Variants in PRORP observed in about 807,000 individuals in gnomAD.
PRORP encodes protein only RNase P catalytic subunit, also known as mitochondrial ribonuclease P catalytic subunit.
A neutral mutation model predicts 59.4 loss-of-function variants in PRORP; 51 were observed. The observed-to-expected ratio is 0.86, with a 90% CI of 0.69 to 1.08. The LOEUF (loss-of-function observed/expected upper bound fraction) is 1.08, where lower values mean the gene tolerates loss of function less well. Ranked by LOEUF, PRORP falls within the 50% of genes least tolerant of loss-of-function variation. The pLI is 0.00. For missense variants in PRORP, 646 were observed against 690.3 expected, an observed-to-expected ratio of 0.94 and a Z score of 0.72; for synonymous variants, 231 against 245.6, an observed-to-expected ratio of 0.94 and a Z score of 0.55.
intron 7 of PRORP, 30 bp from the exon 8 acceptor site, chr14:35,273,405 C>A: frequency 6.3e-7 from 1 of 1,587,788 alleles, no homozygotes; most frequent in South Asian, 1.2e-5. Flanking sequence ...GTGTTGTTCT[C>A]AATGTTTTGT....
chr14:35,244,655 CAT>C (rs1407188923), intron 5 of PRORP, among the ~76,000 whole-genome samples: 1 of 152,078 alleles, frequency 6.6e-6, no homozygotes, highest in Admixed American at 6.6e-5. Context: ...TAAAATATAT[CAT>C]GTGTAAAGAC....
rs377738287 is a variant in PRORP at position 35,123,214 on chromosome 14, C to G, written c.-32C>G. 6.5e-5 allele frequency: 102 copies of G among 1,571,538 alleles called. No individual in the cohort carries two copies. In the Middle Eastern group the frequency reaches 1.4e-3, roughly 21 times the overall value. On this transcript the variant is annotated 5_prime_UTR_variant, in exon 2 of 8. Transcript: ENST00000534898. ...TAGAAGAGGGGTTTTTTCAACATCTCTCTCACTATCTGGTGCTGATCTCAC... is the reference window on the plus strand; with the variant it reads ...TAGAAGAGGGGTTTTTTCAACATCTGTCTCACTATCTGGTGCTGATCTCAC...
intron 5 of PRORP, among the ~76,000 whole-genome samples, chr14:35,208,754 C>T (rs1212279829): frequency 6.6e-6 from 1 of 152,122 alleles, no homozygotes; most frequent in Non-Finnish European, 1.5e-5. Context: ...ACCTGTAATC[C>T]CAGTACTTTG....
chr14:35,124,985 C>T (rs2415262), intron 2 of PRORP, among the ~76,000 whole-genome samples: 32,418 of 150,606 alleles, frequency 0.22, 3,744 homozygotes, highest in East Asian at 0.37. Context: ...CTCACACTCC[C>T]GAGTAGCTGG....
intron 5 of PRORP, among the ~76,000 whole-genome samples, chr14:35,256,318 G>A (rs1319740836): frequency 7.6e-6 from 1 of 131,152 alleles, no homozygotes; most frequent in Non-Finnish European, 1.6e-5. Flanking sequence ...AAAAGAAATT[G>A]TGCGTATCTT....
intron 5 of PRORP, among the ~76,000 whole-genome samples, chr14:35,218,618 C>G (rs1408814046): frequency 6.8e-6 from 1 of 146,980 alleles, no homozygotes; most frequent in Non-Finnish European, 1.5e-5. Flanking sequence ...CTTCCGCCTC[C>G]TGAGTTTAAG....
At chr14:35,258,655 T>C (rs1366694078) in intron 5 of PRORP, among the ~76,000 whole-genome samples, 2 of 149,796 alleles carry the variant, frequency 1.3e-5, no homozygotes. Context: ...GCAGGCAGGG[T>C]GTGGGGGCGG....
At chr14:35,166,010 G>T (rs1364559100) in intron 4 of PRORP, among the ~76,000 whole-genome samples, 1 of 151,928 alleles carries the variant, frequency 6.6e-6, no homozygotes, top group Non-Finnish European at 1.5e-5. Context: ...TCTCGGGGAA[G>T]TTATATTTTT....
At chr14:35,216,880 G>T in intron 5 of PRORP, among the ~76,000 whole-genome samples, 1 of 152,194 alleles carries the variant, frequency 6.6e-6, no homozygotes, top group East Asian at 1.9e-4. Context: ...TTTTTGACTC[G>T]TGTTTCTCTG....
At position 35,143,044 on chromosome 14, in the gene PRORP, A is replaced by G. The variant is rs972022423; in HGVS notation, c.1167+15433A>G. The stretch of plus-strand genomic sequence containing the variant: ...GTAAAAAGTACTTCTTTGTAAAGCT[A>G]TATTTTTCGTGTACTTTAAGAAATA... On this transcript the variant is annotated intron_variant, in intron 4 of 7. Coordinates refer to ENST00000534898, the MANE Select transcript of PRORP (RefSeq NM_014672.4). Among the ~76,000 whole-genome samples, 9 of 145,514 alleles carry G rather than the reference A, an allele frequency of 6.2e-5. 4 individuals are homozygous for G. The highest frequency in any genetic ancestry group is 5.0e-4 in the Admixed American group (7 of 14,030).
intron 5 of PRORP, among the ~76,000 whole-genome samples, chr14:35,226,109 A>C (rs1410422877): frequency 1.3e-5 from 2 of 152,162 alleles, no homozygotes; most frequent in Non-Finnish European, 2.9e-5. Context: ...TATTTAACAA[A>C]GACCCTCTGT....
At position 35,176,897 on chromosome 14, in the gene PRORP, T is replaced by A. The variant is rs923604551; in HGVS notation, c.1168-3773T>A. ...GTGGGTTTGTCATAAATAGCTCTTA[T>A]TATTTTGAGATACGTCCCATCAATA... is the stretch of plus-strand genomic sequence containing the variant. On this transcript the variant is annotated intron_variant, in intron 4 of 7. Transcript: ENST00000534898. 6.6e-4 allele frequency among the ~76,000 whole-genome samples: 101 copies of A among 152,172 alleles called. 1 individual carries two copies. Among genetic ancestry groups the A allele is most frequent in the Non-Finnish European group, 2.1e-4 (14 of 68,038 alleles).
chr14:35,183,882 A>C (rs2048679791), intron 5 of PRORP, among the ~76,000 whole-genome samples: 1 of 152,194 alleles, frequency 6.6e-6, no homozygotes, highest in African/African-American at 2.4e-5. Flanking sequence ...ATAGTTCCAG[A>C]AAGGGAATAT....
At chr14:35,182,263 C>A (rs1283148971) in intron 5 of PRORP, among the ~76,000 whole-genome samples, 1 of 151,872 alleles carries the variant, frequency 6.6e-6, no homozygotes, top group African/African-American at 2.4e-5. Flanking sequence ...AAGACTACAT[C>A]TCAAAAAATA....
intron 3 of PRORP, 25 bp downstream of exon 3, chr14:35,126,807 CT>C (rs1566441536): frequency 6.3e-7 from 1 of 1,584,736 alleles, no homozygotes; most frequent in Admixed American, 1.7e-5. Flanking sequence ...TTATTTTTAA[CT>C]TGTTTGATTT....
At chr14:35,216,115 T>TTTATATATAATATATAATATATTTATAC (rs2049583500) in intron 5 of PRORP, among the ~76,000 whole-genome samples, 1 of 147,922 alleles carries the variant, frequency 6.8e-6, no homozygotes, top group African/African-American at 2.5e-5. Flanking sequence ...TATATTTATA[T>TTTATATATAATATATAATATATTTATAC]TTATATATAA....
chr14:35,180,087 C>T (rs1295924779), intron 4 of PRORP, among the ~76,000 whole-genome samples: 1 of 152,178 alleles, frequency 6.6e-6, no homozygotes, highest in African/African-American at 2.4e-5. Context: ...CTGATCGTTC[C>T]TCTAGAAGCT....
intron 5 of PRORP, among the ~76,000 whole-genome samples, chr14:35,224,321 GATTTT>G (rs1413530900): frequency 2.0e-5 from 3 of 152,194 alleles, no homozygotes; most frequent in Non-Finnish European, 4.4e-5. Context: ...ATCAAGGACA[GATTTT>G]ATTTAGCAAA....
intron 5 of PRORP, among the ~76,000 whole-genome samples, chr14:35,181,018 A>C (rs754582329): frequency 2.0e-5 from 3 of 152,164 alleles, no homozygotes; most frequent in Non-Finnish European, 4.4e-5. Context: ...ATTGCAATAC[A>C]GGGCCAGATT....
Sources: gnomAD v4.1 joint callset for allele counts (sites outside exome capture counted in the v4.1 genomes callset) on GRCh38, gnomAD v4.1.1 for gene constraint, MANE v1.5 for transcripts, NCBI Gene and HGNC (gene_info 2026-07-23, HGNC 2026-07-21) for gene names.